The following ARHGAP26 variants were observed in gnomAD, a reference collection of about 807,000 sequenced individuals.
ARHGAP26 encodes Rho GTPase activating protein 26.
In ARHGAP26, 38 loss-of-function variants were observed where a neutral mutation model predicts 104.8. The observed-to-expected ratio is 0.36, with a 90% CI of 0.28 to 0.48. The LOEUF (loss-of-function observed/expected upper bound fraction) is 0.48. Among genes scored for constraint, ARHGAP26 ranks in the 20% least tolerant of loss-of-function variants. The probability of loss-of-function intolerance (pLI) is 0.99; values close to 1 mark genes in which losing one functional copy is unlikely to be tolerated. For synonymous variants in ARHGAP26, 341 were observed against 340.0 expected (o/e 1.00, Z -0.03); for missense variants, 704 against 947.9 (o/e 0.74, Z 3.38).
chr5:142,993,155 G>A (rs1179199198), intron 11 of ARHGAP26, among the ~76,000 whole-genome samples: 2 of 133,586 alleles, frequency 1.5e-5, no homozygotes, highest in Non-Finnish European at 3.2e-5. Flanking sequence ...TAATTTTTGT[G>A]TGGTTTTTTT....
At chr5:143,142,491 G>T (rs1482078295) in intron 19 of ARHGAP26, among the ~76,000 whole-genome samples, 1 of 144,352 alleles carries the variant, frequency 6.9e-6, no homozygotes, top group East Asian at 2.0e-4. Context: ...TCCTTTTTAA[G>T]ATTTTTTTAA....
intron 1 of ARHGAP26, among the ~76,000 whole-genome samples, chr5:142,809,854 CTG>C (rs1299846539): frequency 6.6e-6 from 1 of 152,226 alleles, no homozygotes; most frequent in African/African-American, 2.4e-5. Context: ...GCACTAAACA[CTG>C]TTGCATTTGG....
chr5:142,880,354 C>T (rs1756788264), intron 4 of ARHGAP26, among the ~76,000 whole-genome samples: 1 of 152,026 alleles, frequency 6.6e-6, no homozygotes, highest in Non-Finnish European at 1.5e-5. Flanking sequence ...CCCGTCTCTA[C>T]TAAAATAGAA....
At chr5:142,830,810 A>G (rs572222157) in intron 1 of ARHGAP26, among the ~76,000 whole-genome samples, 22 of 152,310 alleles carry the variant, frequency 1.4e-4, no homozygotes, top group South Asian at 2.1e-4. Flanking sequence ...TCACTCAGCC[A>G]GACTGCGCCG....
chr5:142,939,118 TATC>T (rs1765872410), intron 11 of ARHGAP26, among the ~76,000 whole-genome samples: 1 of 152,110 alleles, frequency 6.6e-6, no homozygotes, highest in South Asian at 2.1e-4. Context: ...CGTAAGTCAA[TATC>T]ATACCCTTAT....
chr5:143,071,306 T>G (rs964655126), intron 17 of ARHGAP26, among the ~76,000 whole-genome samples: 3 of 151,860 alleles, frequency 2.0e-5, no homozygotes, highest in Admixed American at 2.0e-4. Context: ...GAATAGAGAA[T>G]CCATAAATGA....
chr5:143,178,911 C>A (rs1378841078), intron 20 of ARHGAP26, among the ~76,000 whole-genome samples: 1 of 152,056 alleles, frequency 6.6e-6, no homozygotes, highest in Admixed American at 6.5e-5. Context: ...ACTCTATCAC[C>A]CAGGGTGGAG....
At chr5:142,839,880 CAG>C (rs1205133736) in intron 1 of ARHGAP26, among the ~76,000 whole-genome samples, 60 of 114,462 alleles carry the variant, frequency 5.2e-4, no homozygotes, top group Admixed American at 5.4e-4. Flanking sequence ...TGTGTTGCGA[CAG>C]AGAGAGAGAG....
intron 17 of ARHGAP26, among the ~76,000 whole-genome samples, chr5:143,062,087 G>A (rs1786796853): frequency 6.6e-6 from 1 of 152,224 alleles, no homozygotes; most frequent in African/African-American, 2.4e-5. Flanking sequence ...ACAGCAAGTA[G>A]TCTTGGTAAA....
At chr5:142,867,900 C>G (rs963503138) in intron 1 of ARHGAP26, 1 of 152,140 alleles carries the variant, frequency 6.6e-6, no homozygotes, top group East Asian at 1.9e-4. Context: ...GGGAGGTTCA[C>G]CTCTGATGAA....
intron 1 of ARHGAP26, among the ~76,000 whole-genome samples, chr5:142,784,848 A>G (rs916682722): frequency 2.6e-5 from 4 of 151,816 alleles, no homozygotes; most frequent in Non-Finnish European, 4.4e-5. Flanking sequence ...CCCCAAAGCA[A>G]TCCTGTAGTC....
At chr5:143,129,283 C>A (rs78751685) in intron 18 of ARHGAP26, among the ~76,000 whole-genome samples, 2,990 of 152,276 alleles carry the variant, frequency 0.02, 103 homozygotes, top group African/African-American at 0.069. Context: ...TATTTCCCTT[C>A]TTGTGTGTCT....
intron 1 of ARHGAP26, among the ~76,000 whole-genome samples, chr5:142,791,266 C>T (rs981798920): frequency 7.9e-5 from 12 of 151,782 alleles, no homozygotes; most frequent in African/African-American, 2.9e-4. Flanking sequence ...TTGGGGTAGC[C>T]CAAGAAATGA....
At chr5:143,136,301 G>T (rs1477325539) in intron 19 of ARHGAP26, among the ~76,000 whole-genome samples, 1 of 152,328 alleles carries the variant, frequency 6.6e-6, no homozygotes, top group East Asian at 1.9e-4. Flanking sequence ...TGTCTCAGCT[G>T]CAGAGCAAGC....
chr5:142,956,731 A>G (rs976457355), intron 11 of ARHGAP26, among the ~76,000 whole-genome samples: 3 of 152,202 alleles, frequency 2.0e-5, no homozygotes, highest in Non-Finnish European at 2.9e-5. Context: ...GGCAATTTAC[A>G]AAAGAAAGAG....
At chr5:143,158,410 C>T (rs997905952) in intron 20 of ARHGAP26, among the ~76,000 whole-genome samples, 33 of 152,244 alleles carry the variant, frequency 2.2e-4, no homozygotes, top group African/African-American at 6.7e-4. Flanking sequence ...ATTGTTCCTC[C>T]GTTGGGTGGA....
At chr5:143,025,640 T>G (rs1444882407) in intron 12 of ARHGAP26, among the ~76,000 whole-genome samples, 2 of 152,234 alleles carry the variant, frequency 1.3e-5, no homozygotes, top group African/African-American at 4.8e-5. Flanking sequence ...GCATTAAGCC[T>G]TGCTCTTTTG....
Position 142,993,512 on chromosome 5 carries a change from C to T in ARHGAP26, c.1108-20568C>T, listed in dbSNP as rs150671218. 7.9e-4 allele frequency among the ~76,000 whole-genome samples: 121 copies of T among 152,316 alleles called. No individual in the cohort carries two copies. The East Asian group carries it at 0.022, about 27-fold the overall frequency. On this transcript the variant is annotated intron_variant, in intron 11 of 22. Coordinates refer to ENST00000645722, the MANE Select transcript of ARHGAP26 (RefSeq NM_001135608.3). ...TAAAGATGGGGTTTCACCATGTTGGCCAGGCTGGTCTCGAATTCCTGACCT... is the reference window on the plus strand; with the variant it reads ...TAAAGATGGGGTTTCACCATGTTGGTCAGGCTGGTCTCGAATTCCTGACCT...
intron 1 of ARHGAP26, among the ~76,000 whole-genome samples, chr5:142,828,733 G>A: frequency 6.6e-6 from 1 of 152,128 alleles, no homozygotes; most frequent in Non-Finnish European, 1.5e-5. Context: ...GTCATGTAGG[G>A]GATTGTCTCT....
Sources: gnomAD v4.1 joint callset for allele counts (sites outside exome capture counted in the v4.1 genomes callset) on GRCh38, gnomAD v4.1.1 for gene constraint, MANE v1.5 for transcripts, NCBI Gene and HGNC (gene_info 2026-07-23, HGNC 2026-07-21) for gene names.